TTN: variants seen among roughly 807,000 people sequenced by gnomAD.
TTN encodes the protein titin, also known as connectin.
A neutral mutation model predicts 3,223.0 loss-of-function variants in TTN; 1,525 were observed. That is an observed-to-expected ratio of 0.47 (90% confidence interval 0.45 to 0.49). TTN has a LOEUF of 0.49. TTN is among the 20% of genes least tolerant of loss of function. The pLI is 0.00. For synonymous variants in TTN, 14,094 were observed against 15,161.0 expected (o/e 0.93, Z 5.17); for missense variants, 40,786 against 43,424.0 (o/e 0.94, Z 5.40).
At chr2:178,765,832 T>G (rs1193703892) in intron 41 of TTN, among the ~76,000 whole-genome samples, 1 of 152,154 alleles carries the variant, frequency 6.6e-6, no homozygotes, top group African/African-American at 2.4e-5. Context: ...GCTCAGAGGC[T>G]CCTCAGGAGT....
chr2:178,531,851 T>C lies in TTN; in HGVS notation c.104764A>G (p.Lys34922Glu). 1 of 1,613,824 alleles carries C rather than the reference T, an allele frequency of 6.2e-7. No individual in the cohort carries two copies. Among genetic ancestry groups the C allele is most frequent in the South Asian group, 1.1e-5 (1 of 91,064 alleles). ...ESMKAALKTQKTSERKYEVLS... is the reference protein window; with the variant it reads ...ESMKAALKTQETSERKYEVLS... ...ACTTCATACTTCCTTTCTGATGTCTTCTGAGTTTTTAAAGCAGCTTTCATG... is the reference window on the plus strand; with the variant it reads ...ACTTCATACTTCCTTTCTGATGTCTCCTGAGTTTTTAAAGCAGCTTTCATG... Residue 34922 changes from lysine (K) to glutamate (E), a missense_variant, in exon 358 of 363, where the codon AAG becomes GAG. Transcript: ENST00000589042.
In TTN at chr2:178,588,843, T is replaced by C. The variant is rs2049624622; in HGVS notation, c.62882A>G (p.Tyr20961Cys). The change falls in exon 304 of 363, where the codon TAT (tyrosine) becomes TGT (cysteine). Residue 20961 changes from tyrosine to cysteine, a missense_variant. By Grantham distance (194) the Tyr-to-Cys change is radical (BLOSUM62 -2). Transcript: ENST00000589042. The stretch of plus-strand genomic sequence containing the variant: ...GGGATCAGGGCGACCAGGTTTATCA[T>C]ACTTGGTTTTGGCTATGACTGGTTT... ...ESKPVIAKTK[Y>C]DKPGRPDPPE... The C allele has an allele frequency of 1.9e-6, 3 of 1,613,352 alleles. No individual in the cohort carries two copies. The highest frequency in any genetic ancestry group is 2.5e-6 in the Non-Finnish European group (3 of 1,179,588).
rs764714213 is a variant in TTN, at chr2:178,528,724, G to A, written c.107027C>T (p.Thr35676Ile). 4 of 1,613,556 alleles carry A rather than the reference G, an allele frequency of 2.5e-6. No homozygotes were observed. The Admixed American group carries it at 6.7e-5, about 27-fold the overall frequency. ...QASHRDEGIL[T>I]CISKTKEGIV... ...TCCTTCCTTGGTTTTGCTTATGCAG[G>A]TGAGGATTCCTTCATCTCTGTGACT... Residue 35676 changes from threonine to isoleucine, a missense_variant, in exon 360 of 363, where the codon ACC (threonine) becomes ATC (isoleucine). Coordinates refer to ENST00000589042, the MANE Select transcript of TTN (RefSeq NM_001267550.2).
chr2:178,762,081 C>T (rs1357954905), intron 43 of TTN, among the ~76,000 whole-genome samples: 1 of 152,048 alleles, frequency 6.6e-6, no homozygotes, highest in Admixed American at 6.6e-5. Flanking sequence ...ATTACAACCC[C>T]CAAGAACATG....
At position 178,592,782 on chromosome 2, in the gene TTN, G is replaced by A. The variant is rs772475819; in HGVS notation, c.59337C>T (p.Asp19779=). ...AHVPEPVLVK[D]RLEPPELILD... ...TGAGAGCATTTTACTCACCAAGCCT[G>A]TCTTTTACTAGGACTGGCTCCGGAA... The change falls in exon 300 of 363, where the codon GAC becomes GAT. Residue 19779 remains aspartate (D), a synonymous_variant. Coordinates refer to ENST00000589042, the MANE Select transcript of TTN (RefSeq NM_001267550.2). 1.9e-6 allele frequency: 3 copies of A among 1,613,388 alleles called. No homozygotes were observed. In the Admixed American group the frequency reaches 5.0e-5, roughly 27 times the overall value.
chr2:178,636,753 C>G lies in TTN; in HGVS notation c.40974G>C (p.Lys13658Asn), dbSNP rs752465783. The change falls in exon 225 of 363, where the codon AAG (lysine) becomes AAC (asparagine). Residue 13658 changes from lysine to asparagine, a missense_variant. Coordinates refer to ENST00000589042, the MANE Select transcript of TTN (RefSeq NM_001267550.2). This position sits in a 1 kb window ranked among gnomAD's most constrained non-coding sequence, Gnocchi z 4.3. ...TPSPIEAERR[K>N]LRPGSGGEKP... is the part of the protein sequence containing the mutation. The stretch of plus-strand genomic sequence containing the variant: ...TCTCTCCACCACTTCCTGGCCTTAA[C>G]TTTCTCCTTTCGGCTTCTATTGGTG... 5 of 1,609,226 alleles carry G rather than the reference C, an allele frequency of 3.1e-6. No individual in the cohort carries two copies. In the South Asian group the frequency reaches 5.5e-5, roughly 18 times the overall value.
chr2:178,802,151 C>G lies in TTN; in HGVS notation c.282G>C (p.Glu94Asp). 6.2e-7 allele frequency: 1 copy of G among 1,614,108 alleles called. No homozygotes were observed. Among genetic ancestry groups the G allele is most frequent in the East Asian group, 2.2e-5 (1 of 44,878 alleles). Residue 94 changes from glutamate to aspartate, a missense_variant, in exon 3 of 363, where the codon GAG becomes GAC. Coordinates refer to ENST00000589042, the MANE Select transcript of TTN (RefSeq NM_001267550.2). The stretch of plus-strand genomic sequence containing the variant: ...CCAGCAGCCTACCTTTCACGAGAAG[C>G]TCAGCAGTACTAGTCGCTTGTCCAG... ...NGSGQATSTA[E>D]LLVKAETAPP...
intron 239 of TTN, 60 bp downstream of exon 239, chr2:178,630,181 T>C (rs2154219866): frequency 6.2e-7 from 1 of 1,603,736 alleles, no homozygotes; most frequent in Non-Finnish European, 8.5e-7. Context: ...TTAATTTCAC[T>C]CACATTCATT....
rs779342990 is a variant in TTN at position 178,696,276 on chromosome 2, T to C, written c.30803-7A>G. 8 of 1,513,410 alleles carry C rather than the reference T, an allele frequency of 5.3e-6. No homozygotes were observed. Among genetic ancestry groups the C allele is most frequent in the African/African-American group, 1.4e-5 (1 of 71,356 alleles). 93.7% of individuals were successfully genotyped at this position (1,513,410 alleles called of 1,614,324 possible). ...ACATCAATGATTTCAGGAGCTAAAA[T>C]AGATAAAGATACTATTAGCATATTA... On this transcript the variant is annotated splice_polypyrimidine_tract_variant and splice_region_variant and intron_variant, in intron 113 of 362. Transcript: ENST00000589042.
In TTN at chr2:178,799,663, C is replaced by T; in HGVS notation, c.738G>A (p.Gly246=). 1.2e-6 allele frequency: 2 copies of T among 1,614,092 alleles called. No individual in the cohort carries two copies. Among genetic ancestry groups the T allele is most frequent in the South Asian group, 1.1e-5 (1 of 91,082 alleles). Residue 246 remains glycine, a synonymous_variant, in exon 6 of 363, where the codon GGG becomes GGA. Coordinates refer to ENST00000589042, the MANE Select transcript of TTN (RefSeq NM_001267550.2). ...TVEMVIDGAA[G]QQLPHKTPPR... ...GAGGTGTTTTATGTGGCAGCTGTTGCCCAGCGGCACCATCTATGACCATCT... is the reference window on the plus strand; with the variant it reads ...GAGGTGTTTTATGTGGCAGCTGTTGTCCAGCGGCACCATCTATGACCATCT...
chr2:178,775,066 A>G lies in TTN; in HGVS notation c.6645T>C (p.His2215=). The change falls in exon 29 of 363, where the codon CAT becomes CAC. Residue 2215 remains histidine, a synonymous_variant. Coordinates refer to ENST00000589042, the MANE Select transcript of TTN (RefSeq NM_001267550.2). ...AGTGCATCCTGTATTTATCTCCCTC[A>G]TGAACCTCCATACCATCTTTATACC... ...VKWYKDGMEV[H]EGDKYRMHSD... 1.9e-6 allele frequency: 3 copies of G among 1,614,064 alleles called. No homozygotes were observed. Among genetic ancestry groups the G allele is most frequent in the South Asian group, 2.2e-5 (2 of 91,080 alleles).
In TTN at chr2:178,573,942, T is replaced by A. The variant is rs1222159679; in HGVS notation, c.72190A>T (p.Ser24064Cys). Residue 24064 changes from serine (S) to cysteine (C), a missense_variant, in exon 326 of 363, where the codon AGC becomes TGC. Physicochemically the swap from Ser to Cys is moderately radical, Grantham distance 112 (BLOSUM62 -1). Coordinates refer to ENST00000589042, the MANE Select transcript of TTN (RefSeq NM_001267550.2). ...SGRPPPTMEWSKDGKELEGTA... is the reference protein window; with the variant it reads ...SGRPPPTMEWCKDGKELEGTA... ...CCTTCCAGCTCTTTTCCATCTTTGCTCCATTCCATTGTTGGAGGTGGGCGG... is the reference window on the plus strand; with the variant it reads ...CCTTCCAGCTCTTTTCCATCTTTGCACCATTCCATTGTTGGAGGTGGGCGG... 18 of 1,613,382 alleles carry A rather than the reference T, an allele frequency of 1.1e-5. No individual in the cohort carries two copies. Among genetic ancestry groups the A allele is most frequent in the East Asian group, 2.2e-5 (1 of 44,686 alleles).
rs1707808467 is a variant in TTN, at chr2:178,570,563, G to T, written c.75569C>A (p.Ala25190Glu). Residue 25190 changes from alanine to glutamate, a missense_variant, in exon 326 of 363, where the codon GCA (alanine) becomes GAA (glutamate). By Grantham distance (107) the Ala-to-Glu change is moderately radical. Transcript: ENST00000589042. ...ATTCACAGTAACTGATCTTTCTCCT[G>T]CAACATTTTTGGCCTTCAGTATGTA... ...GNYILKAKNV[A>E]GERSVTVNVK... is the part of the protein sequence containing the mutation. The T allele has an allele frequency of 6.2e-7, 1 of 1,613,168 alleles. No homozygotes were observed. Among genetic ancestry groups the T allele is most frequent in the Non-Finnish European group, 8.5e-7 (1 of 1,179,602 alleles).
intron 47 of TTN, among the ~76,000 whole-genome samples, chr2:178,752,680 T>C (rs2085875027): frequency 1.3e-5 from 2 of 152,046 alleles, no homozygotes; most frequent in African/African-American, 4.8e-5. Context: ...GAATGTAATG[T>C]TTTCACACAA....
intron 6 of TTN, 145 bp downstream of exon 6, chr2:178,799,342 C>G: frequency 7.8e-7 from 1 of 1,283,562 alleles, no homozygotes; most frequent in South Asian, 1.3e-5. Flanking sequence ...TTTGTATGCT[C>G]CCCTAGAGGT....
At chr2:178,750,134 G>T (rs1313363048) in intron 47 of TTN, 1 of 1,612,972 alleles carries the variant, frequency 6.2e-7, no homozygotes, top group Non-Finnish European at 8.5e-7. Flanking sequence ...GGGAGGAACT[G>T]GTGGGTTAGT....
rs1560589117 is a variant in TTN, at chr2:178,713,227, T to C, written c.26907A>G (p.Gly8969=). 2 of 1,613,438 alleles carry C rather than the reference T, an allele frequency of 1.2e-6. No homozygotes were observed. The highest frequency in any genetic ancestry group is 2.2e-5 in the East Asian group (1 of 44,842). The change falls in exon 93 of 363, where the codon GGA becomes GGG. Residue 8969 remains glycine, a synonymous_variant. Coordinates refer to ENST00000589042, the MANE Select transcript of TTN (RefSeq NM_001267550.2). ...CTGTCAGGGTGGTCTGGTATTTCCT[T>C]CCACTACTGATCTCATTTCCTTCAT... ...WFHEGNEISS[G]RKYQTTLTDN...
At chr2:178,743,947 G>A (rs1403271147) in intron 47 of TTN, among the ~76,000 whole-genome samples, 4 of 151,772 alleles carry the variant, frequency 2.6e-5, no homozygotes, top group Non-Finnish European at 5.9e-5. Context: ...AATTTTTTTT[G>A]TGAGGGAGGC....
chr2:178,735,580 C>T lies in TTN; in HGVS notation c.14866G>A (p.Gly4956Arg). ...EIPLAKLKDS[G>R]TYVCTASNEA... ...TTTGAAGCTGTACAGACATAGGTTC[C>T]TGAATCTTTCAGTTTGGCCAAAGGA... Residue 4956 changes from glycine (G) to arginine (R), a missense_variant, in exon 50 of 363, where the codon GGA becomes AGA. Physicochemically the swap from Gly to Arg is moderately radical, Grantham distance 125. Coordinates refer to ENST00000589042, the MANE Select transcript of TTN (RefSeq NM_001267550.2). 2.5e-6 allele frequency: 4 copies of T among 1,613,084 alleles called. No homozygotes were observed. Among genetic ancestry groups the T allele is most frequent in the Non-Finnish European group, 3.4e-6 (4 of 1,179,622 alleles).
Sources: allele counts gnomAD v4.1 joint callset (sites outside exome capture counted in the v4.1 genomes callset), GRCh38; gene constraint gnomAD v4.1.1; non-coding constraint Gnocchi (gnomAD v3.1); transcripts MANE v1.5; gene names NCBI Gene and HGNC (gene_info 2026-07-23, HGNC 2026-07-21).